PEX5L: variants seen among roughly 807,000 people sequenced by gnomAD.
The protein encoded by PEX5L is PEX5-related protein.
In PEX5L, 30 loss-of-function variants were observed where a neutral mutation model predicts 84.0. The observed-to-expected ratio is 0.36, with a 90% confidence interval of 0.27 to 0.48. The LOEUF is 0.48. Ranked by LOEUF, PEX5L falls within the 20% of genes least tolerant of loss-of-function variation. The pLI, the probability that PEX5L is intolerant of heterozygous loss-of-function variation, is 0.99. For missense variants in PEX5L, 533 were observed against 754.6 expected (o/e 0.71, Z 3.44); for synonymous variants, 270 against 283.1 (o/e 0.95, Z 0.46).
At chr3:179,929,291 G>A (rs532801234) in intron 2 of PEX5L, among the ~76,000 whole-genome samples, 8 of 152,106 alleles carry the variant, frequency 5.3e-5, no homozygotes, top group Non-Finnish European at 1.0e-4. Context: ...TTCAAGGATG[G>A]AAAATCTGTG....
At chr3:180,034,024 C>A (rs1338771143) in intron 1 of PEX5L, among the ~76,000 whole-genome samples, 1 of 152,130 alleles carries the variant, frequency 6.6e-6, no homozygotes, top group Non-Finnish European at 1.5e-5. Flanking sequence ...ATGAATTAGC[C>A]ATATGTATGA....
In PEX5L at chr3:179,795,402, C is replaced by A. The variant is rs1716540650; in HGVS notation, c.*6426G>T. 3 of 152,106 alleles carry A rather than the reference C, an allele frequency of 2.0e-5. No homozygotes were observed. Among genetic ancestry groups the A allele is most frequent in the South Asian group, 4.1e-4 (2 of 4,820 alleles). The allele number at this position is 152,106 out of a possible 1,614,324, so 9.4% of individuals were successfully genotyped here. ...AGCCAACTGAGTAAATTAAACACAT[C>A]AATATGATAAGAGGTTATTTTTATG... is the stretch of plus-strand genomic sequence containing the variant. On this transcript the variant is annotated 3_prime_UTR_variant, in exon 15 of 15. Transcript: ENST00000467460.
Position 179,859,179 on chromosome 3 carries a change from G to C in PEX5L, c.727-22C>G, listed in dbSNP as rs181269621. On this transcript the variant is annotated intron_variant, in intron 7 of 14. Transcript: ENST00000467460. The stretch of plus-strand genomic sequence containing the variant: ...GAGCCTGAAATCAATCATACACATA[G>C]TGTTATAATATTAGAATCACATGTT... 41 of 1,515,254 alleles carry C rather than the reference G, an allele frequency of 2.7e-5. No individual in the cohort carries two copies. The Middle Eastern group carries it at 6.8e-4, about 25-fold the overall frequency. The allele number at this position is 1,515,254 out of a possible 1,614,324, so 93.9% of individuals were successfully genotyped here. A position where few individuals can be genotyped will look rare whatever the true frequency, so the allele number is the denominator to read the frequency against.
In PEX5L at chr3:179,797,606, ATATATAT is replaced by A. The variant is rs147705895; in HGVS notation, c.*4215_*4221del. On this transcript the variant is annotated 3_prime_UTR_variant, in exon 15 of 15. Coordinates refer to ENST00000467460, the MANE Select transcript of PEX5L (RefSeq NM_016559.3). Reference sequence around the variant, plus strand: ...ACACTCTTTAAAAAAAAAAAAAAAAATATATATATATATATATATATATATCTACTTC... The same window carrying A: ...ACACTCTTTAAAAAAAAAAAAAAAAAATATATATATATATATATCTACTTC... 2.2e-4 allele frequency: 18 copies of A among 80,170 alleles called. No homozygotes were observed. Among genetic ancestry groups the A allele is most frequent in the African/African-American group, 9.0e-4 (18 of 19,938 alleles). The allele number at this position is 80,170 out of a possible 1,614,324, so 5.0% of individuals were successfully genotyped here. A position where few individuals can be genotyped will look rare whatever the true frequency, so the allele number is the denominator to read the frequency against.
chr3:179,957,354 T>C (rs887823102), intron 2 of PEX5L, among the ~76,000 whole-genome samples: 5 of 152,134 alleles, frequency 3.3e-5, no homozygotes, highest in African/African-American at 9.6e-5. Context: ...CAGGTAAGGC[T>C]CAGGGAGGAA....
chr3:179,875,939 A>C (rs1231446076), intron 5 of PEX5L, among the ~76,000 whole-genome samples: 2 of 152,190 alleles, frequency 1.3e-5, no homozygotes, highest in African/African-American at 4.8e-5. Flanking sequence ...GATGAGCTTC[A>C]GTGTTAAAAG....
intron 1 of PEX5L, among the ~76,000 whole-genome samples, chr3:180,014,652 A>T (rs1789784105): frequency 1.3e-5 from 2 of 152,192 alleles, no homozygotes; most frequent in Admixed American, 6.5e-5. Context: ...AAAAGAAGCT[A>T]AACTTTTAAG....
intron 2 of PEX5L, among the ~76,000 whole-genome samples, chr3:179,949,729 C>G (rs1778570993): frequency 6.6e-6 from 1 of 152,122 alleles, no homozygotes; most frequent in Admixed American, 6.5e-5. Context: ...TAGGGAGCCT[C>G]ATCTGACAAG....
intron 2 of PEX5L, among the ~76,000 whole-genome samples, chr3:179,931,673 A>G (rs1348032645): frequency 6.6e-6 from 1 of 152,168 alleles, no homozygotes; most frequent in East Asian, 1.9e-4. Context: ...AGGTTCAAAG[A>G]GGCAATGTTT....
At chr3:179,972,541 T>C (rs1165084048) in intron 1 of PEX5L, among the ~76,000 whole-genome samples, 1 of 152,152 alleles carries the variant, frequency 6.6e-6, no homozygotes, top group African/African-American at 2.4e-5. Flanking sequence ...AACCACTACA[T>C]AGTTAGCTGT....
chr3:179,887,075 T>C (rs941109701), intron 4 of PEX5L, among the ~76,000 whole-genome samples: 4 of 152,190 alleles, frequency 2.6e-5, no homozygotes, highest in East Asian at 1.9e-4. Flanking sequence ...TTAATACTTA[T>C]TGAGTGCCGA....
At chr3:179,858,347 G>A (rs1427109454) in intron 8 of PEX5L, among the ~76,000 whole-genome samples, 1 of 151,562 alleles carries the variant, frequency 6.6e-6, no homozygotes, top group African/African-American at 2.4e-5. Flanking sequence ...GAGTCTACCC[G>A]GGAAGGAAAT....
rs1725988264 is a variant in PEX5L at position 179,816,137 on chromosome 3, A to G, written c.940-133T>C. 3 of 809,248 alleles carry G rather than the reference A, an allele frequency of 3.7e-6. No homozygotes were observed. The East Asian group carries it at 7.7e-5, about 21-fold the overall frequency. The allele number at this position is 809,248 out of a possible 1,614,324, so 50.1% of individuals were successfully genotyped here. A position where few individuals can be genotyped will look rare whatever the true frequency, so the allele number is the denominator to read the frequency against. On this transcript the variant is annotated intron_variant, in intron 9 of 14. Transcript: ENST00000467460. ...TGTGGAGAAACAGGAACACTTTTAC[A>G]CTGTTGGTGGGAGTGTAAATTAGTT...
chr3:180,000,033 T>C (rs1468933399), intron 1 of PEX5L, among the ~76,000 whole-genome samples: 1 of 152,168 alleles, frequency 6.6e-6, no homozygotes, highest in African/African-American at 2.4e-5. Context: ...GGTCCAGGAA[T>C]CAAGGGATAG....
intron 2 of PEX5L, among the ~76,000 whole-genome samples, chr3:179,920,113 C>T (rs1032689014): frequency 6.6e-6 from 1 of 152,214 alleles, no homozygotes; most frequent in African/African-American, 2.4e-5. Context: ...GGTGTTCCTT[C>T]AGGCTCCCTG....
At chr3:179,986,585 G>T (rs1305275618) in intron 1 of PEX5L, among the ~76,000 whole-genome samples, 2 of 151,856 alleles carry the variant, frequency 1.3e-5, no homozygotes, top group Admixed American at 1.3e-4. Flanking sequence ...TGTATTTTTA[G>T]TAGAGACGGG....
intron 1 of PEX5L, among the ~76,000 whole-genome samples, chr3:180,008,128 C>A (rs1262107418): frequency 6.6e-6 from 1 of 152,182 alleles, no homozygotes; most frequent in Non-Finnish European, 1.5e-5. Flanking sequence ...TTTAACAGAA[C>A]CCAAGTTACC....
At position 179,808,578 on chromosome 3, in the gene PEX5L, A is replaced by G. The variant is rs567912583; in HGVS notation, c.1353-141T>C. 2.1e-5 allele frequency: 11 copies of G among 522,634 alleles called. No individual in the cohort carries two copies. In the East Asian group the frequency reaches 3.1e-4, roughly 15 times the overall value. 32.4% of individuals were successfully genotyped at this position (522,634 alleles called of 1,614,324 possible). A position where few individuals can be genotyped will look rare whatever the true frequency, so the allele number is the denominator to read the frequency against. ...TTGCTTAAAATACCTTAACTCAATG[A>G]GAGGACTATTAATGCTGAATGTTTT... is the stretch of plus-strand genomic sequence containing the variant. On this transcript the variant is annotated intron_variant, in intron 12 of 14. Coordinates refer to ENST00000467460, the MANE Select transcript of PEX5L (RefSeq NM_016559.3).
At chr3:180,025,647 G>T (rs952778999) in intron 1 of PEX5L, among the ~76,000 whole-genome samples, 4 of 152,028 alleles carry the variant, frequency 2.6e-5, no homozygotes, top group Non-Finnish European at 4.4e-5. Flanking sequence ...CATTCAGAGC[G>T]TATGTAAGGC....
Sources: gnomAD v4.1 joint callset for allele counts (sites outside exome capture counted in the v4.1 genomes callset) on GRCh38, gnomAD v4.1.1 for gene constraint, MANE v1.5 for transcripts, NCBI Gene and HGNC (gene_info 2026-07-23, HGNC 2026-07-21) for gene names.